Variants in TBCE observed in about 807,000 individuals in gnomAD.
The protein encoded by TBCE is tubulin-specific chaperone E.
In TBCE, 53 loss-of-function variants were observed where a neutral mutation model predicts 77.0. The observed-to-expected ratio is 0.69, with a 90% CI of 0.55 to 0.87. The LOEUF is 0.87. Ranked by LOEUF, TBCE falls within the 40% of genes least tolerant of loss-of-function variation. The pLI is 0.00. For synonymous variants in TBCE, 235 were observed against 241.3 expected, an observed-to-expected ratio of 0.97 and a Z score of 0.24; for missense variants, 624 against 622.4, an observed-to-expected ratio of 1.00 and a Z score of -0.03.
rs1681882483 is a variant in TBCE, at chr1:235,441,604, C to T, written c.1271-210C>T. On this transcript the variant is annotated intron_variant, in intron 13 of 16. Transcript: ENST00000642610. The stretch of plus-strand genomic sequence containing the variant: ...CAATGAGCTAGATAAGCTACAGAGT[C>T]TGCAGCTCTGGGTAGATAGAAGATT... 5 of 579,684 alleles carry T rather than the reference C, an allele frequency of 8.6e-6. No individual in the cohort carries two copies. The Admixed American group carries it at 1.5e-4, about 17-fold the overall frequency. 35.9% of individuals were successfully genotyped at this position (579,684 alleles called of 1,614,324 possible).
At position 235,395,233 on chromosome 1, in the gene TBCE, G is replaced by T. The variant is rs935415835; in HGVS notation, c.101-6270G>T. On this transcript the variant is annotated intron_variant, in intron 2 of 16. Transcript: ENST00000642610. ...GGATTAATTCTTTTAATTTTTGTGG[G>T]TACATAGTAGGTGTATATATTTATA... 2.0e-5 allele frequency among the ~76,000 whole-genome samples: 3 copies of T among 152,094 alleles called. 1 individual carries two copies.
At chr1:235,385,330 C>T (rs565983791) in intron 2 of TBCE, among the ~76,000 whole-genome samples, 8 of 151,822 alleles carry the variant, frequency 5.3e-5, no homozygotes, top group Non-Finnish European at 7.4e-5. Context: ...ATGTCTATTA[C>T]GTCCGCTTGG....
In TBCE at chr1:235,449,134, T is replaced by A. The variant is rs1682721545; in HGVS notation, c.*372T>A. ...ATGGAATTCTCTATTGAAACTACTA[T>A]TTTAAAGGGTTACTAGAAATGATTT... On this transcript the variant is annotated 3_prime_UTR_variant, in exon 17 of 17. Coordinates refer to ENST00000642610, the MANE Select transcript of TBCE (RefSeq NM_003193.5). The A allele has an allele frequency of 2.2e-5, 6 of 273,510 alleles. No homozygotes were observed. The South Asian group carries it at 2.3e-4, about 11-fold the overall frequency. The allele number at this position is 273,510 out of a possible 1,614,324, so 16.9% of individuals were successfully genotyped here.
Position 235,401,506 on chromosome 1 carries a change from C to G in TBCE, c.104C>G (p.Pro35Arg). The part of the protein sequence containing the change: ...FAGVVPPVAG[P>R]WLGVEWDNPE... ...TTGGTTTTTCTTGTTCTGCTAGGACCCTGGTTAGGAGTAGAATGGGACAAT... is the reference window on the plus strand; with the variant it reads ...TTGGTTTTTCTTGTTCTGCTAGGACGCTGGTTAGGAGTAGAATGGGACAAT... Residue 35 changes from proline to arginine, a missense_variant, in exon 3 of 17, where the codon CCC (proline) becomes CGC (arginine). Transcript: ENST00000642610. The G allele has an allele frequency of 6.2e-7, 1 of 1,613,558 alleles. No homozygotes were observed. The highest frequency in any genetic ancestry group is 8.5e-7 in the Non-Finnish European group (1 of 1,179,670).
At chr1:235,395,399 A>C (rs376285160) in intron 2 of TBCE, among the ~76,000 whole-genome samples, 19 of 152,060 alleles carry the variant, frequency 1.2e-4, no homozygotes, top group African/African-American at 4.1e-4. Context: ...TGCACAATAA[A>C]TTATTGTTGA....
At chr1:235,435,484 C>G (rs1055081205) in intron 8 of TBCE, among the ~76,000 whole-genome samples, 1 of 152,166 alleles carries the variant, frequency 6.6e-6, no homozygotes, top group Non-Finnish European at 1.5e-5. Flanking sequence ...ACACAGAGAT[C>G]ACTTGTACCC....
intron 3 of TBCE, 52 bp from the exon 4 acceptor site, chr1:235,414,381 G>A: frequency 6.3e-7 from 1 of 1,582,606 alleles, no homozygotes; most frequent in Non-Finnish European, 8.6e-7. Flanking sequence ...TGTATTTATG[G>A]CCTTTCTTGG....
intron 5 of TBCE, among the ~76,000 whole-genome samples, chr1:235,420,130 G>T (rs2102893110): frequency 6.6e-6 from 1 of 152,276 alleles, no homozygotes; most frequent in East Asian, 1.9e-4. Context: ...CCTTTTGCCT[G>T]TTGCTTTTAC....
intron 1 of TBCE, 114 bp from the exon 2 acceptor site, chr1:235,379,905 G>T: frequency 1.7e-6 from 1 of 594,302 alleles, no homozygotes. Flanking sequence ...CCGAGATTGC[G>T]CCACTGCACT....
chr1:235,428,818 GTT>G (rs1020595900), intron 6 of TBCE, among the ~76,000 whole-genome samples: 1 of 150,416 alleles, frequency 6.6e-6, no homozygotes, highest in African/African-American at 2.4e-5. Flanking sequence ...TAATTTTTGT[GTT>G]TTTACTAGAG....
chr1:235,374,524 T>TG (rs1451476180), intron 1 of TBCE, among the ~76,000 whole-genome samples: 2 of 145,398 alleles, frequency 1.4e-5, no homozygotes, highest in African/African-American at 5.3e-5. Context: ...TTTTTGAGAC[T>TG]GAATCTCCCT....
chr1:235,397,949 A>G (rs1054284276), intron 2 of TBCE, among the ~76,000 whole-genome samples: 2 of 152,144 alleles, frequency 1.3e-5, no homozygotes, highest in African/African-American at 2.4e-5. Flanking sequence ...TTGCTAAACC[A>G]TAGATATTCT....
chr1:235,419,249 TTG>T, intron 4 of TBCE: 2 of 630,588 alleles, frequency 3.2e-6, no homozygotes, highest in Non-Finnish European at 5.4e-6. Flanking sequence ...AGAGGGAGAA[TTG>T]TGTTTGGAGA....
At chr1:235,389,426 C>T (rs1296835236) in intron 2 of TBCE, among the ~76,000 whole-genome samples, 1 of 152,138 alleles carries the variant, frequency 6.6e-6, no homozygotes, top group East Asian at 1.9e-4. Flanking sequence ...CTCCTGGGTT[C>T]AAGTGATTCT....
chr1:235,446,793 G>A (rs1682359106), intron 15 of TBCE, among the ~76,000 whole-genome samples: 1 of 151,458 alleles, frequency 6.6e-6, no homozygotes, highest in African/African-American at 2.4e-5. Flanking sequence ...GACCTCCTGG[G>A]CTCAAGTGAT....
At chr1:235,414,661 A>T (rs1328645307) in intron 4 of TBCE, 43 bp downstream of exon 4, 1 of 1,594,230 alleles carries the variant, frequency 6.3e-7, no homozygotes, top group Non-Finnish European at 8.6e-7. Context: ...TTATGGTTTT[A>T]TTAAGGTTCA....
intron 16 of TBCE, 72 bp downstream of exon 16, chr1:235,448,512 G>C: frequency 2.7e-6 from 4 of 1,475,960 alleles, no homozygotes; most frequent in Non-Finnish European, 3.8e-6. Flanking sequence ...ACTGTCTCTA[G>C]ATAGCAACAG....
chr1:235,406,424 C>G (rs1679431809), intron 3 of TBCE, among the ~76,000 whole-genome samples: 1 of 152,206 alleles, frequency 6.6e-6, no homozygotes, highest in Admixed American at 6.6e-5. Context: ...AGATGAATGT[C>G]TAAGTGTAAC....
intron 3 of TBCE, among the ~76,000 whole-genome samples, chr1:235,412,896 C>T (rs188834095): frequency 4.3e-4 from 65 of 152,242 alleles, no homozygotes; most frequent in Middle Eastern, 6.8e-3. Context: ...CTCTGCCTCC[C>T]GGGTTCAAGT....
Sources: gnomAD v4.1 joint callset for allele counts (sites outside exome capture counted in the v4.1 genomes callset) on GRCh38, gnomAD v4.1.1 for gene constraint, MANE v1.5 for transcripts, NCBI Gene and HGNC (gene_info 2026-07-23, HGNC 2026-07-21) for gene names.